RXFP1: variants seen among roughly 807,000 people sequenced by gnomAD.
RXFP1 encodes the protein relaxin receptor 1.
RXFP1 carries 73 observed loss-of-function variants against 89.8 expected under a neutral mutation model. That is an observed-to-expected ratio of 0.81 (90% CI 0.67 to 0.99). The LOEUF is 0.99. Among genes scored for constraint, RXFP1 ranks in the 50% least tolerant of loss-of-function variants. The pLI is 0.00. For missense variants in RXFP1, 793 were observed against 895.5 expected (o/e 0.89, Z 1.46); for synonymous variants, 277 against 305.5 (o/e 0.91, Z 0.97).
intron 1 of RXFP1, among the ~76,000 whole-genome samples, chr4:158,538,512 T>G (rs960749676): frequency 1.3e-5 from 2 of 152,094 alleles, no homozygotes. Flanking sequence ...GGCATTTTTT[T>G]TGTGGGGAGA....
At chr4:158,633,630 C>T (rs1056160995) in intron 12 of RXFP1, among the ~76,000 whole-genome samples, 154 bp downstream of exon 12, 2 of 152,110 alleles carry the variant, frequency 1.3e-5, no homozygotes, top group Non-Finnish European at 2.9e-5. Flanking sequence ...CACCATCTAC[C>T]TCCAGAAGTT....
intron 10 of RXFP1, among the ~76,000 whole-genome samples, chr4:158,627,692 T>C (rs560000031): frequency 1.4e-4 from 22 of 151,964 alleles, no homozygotes; most frequent in Non-Finnish European, 2.6e-4. Flanking sequence ...TTTCTCCAAT[T>C]CCCCCCATTC....
intron 10 of RXFP1, among the ~76,000 whole-genome samples, chr4:158,627,158 C>A (rs1767018651): frequency 6.6e-6 from 1 of 151,990 alleles, no homozygotes; most frequent in Non-Finnish European, 1.5e-5. Context: ...TGTTCACAAC[C>A]TTGAGGATGT....
chr4:158,543,228 T>G (rs1451183511), intron 1 of RXFP1, among the ~76,000 whole-genome samples: 1 of 152,156 alleles, frequency 6.6e-6, no homozygotes, highest in Non-Finnish European at 1.5e-5. Flanking sequence ...TGTTCCTCCA[T>G]TCTTCAGGCA....
At chr4:158,562,797 C>A (rs1752773824) in intron 1 of RXFP1, among the ~76,000 whole-genome samples, 1 of 152,064 alleles carries the variant, frequency 6.6e-6, no homozygotes, top group Non-Finnish European at 1.5e-5. Flanking sequence ...AACACTTTTT[C>A]TTTGCCCTTA....
chr4:158,628,091 G>A (rs1376778850), intron 10 of RXFP1, among the ~76,000 whole-genome samples: 1 of 152,178 alleles, frequency 6.6e-6, no homozygotes, highest in Admixed American at 6.5e-5. Context: ...TTAGTTCTGA[G>A]TTGGTCCTCT....
At chr4:158,522,566 GA>G (rs1483260511) in intron 1 of RXFP1, among the ~76,000 whole-genome samples, 2 of 152,142 alleles carry the variant, frequency 1.3e-5, no homozygotes, top group African/African-American at 4.8e-5. Flanking sequence ...AGGCACAAAA[GA>G]AGCTCCAAAT....
chr4:158,616,553 ATT>A (rs150214475), intron 8 of RXFP1, among the ~76,000 whole-genome samples: 39,564 of 133,206 alleles, frequency 0.3, 9,750 homozygotes, highest in African/African-American at 0.69. Flanking sequence ...GGTTTAGGCT[ATT>A]TTTTTTTTTT....
chr4:158,524,507 G>A (rs1448555754), intron 1 of RXFP1, among the ~76,000 whole-genome samples: 1 of 152,070 alleles, frequency 6.6e-6, no homozygotes, highest in Non-Finnish European at 1.5e-5. Context: ...CAAAAATTGA[G>A]GTCCACACAA....
intron 12 of RXFP1, among the ~76,000 whole-genome samples, chr4:158,635,642 G>C (rs573686709): frequency 2.6e-5 from 4 of 152,038 alleles, no homozygotes; most frequent in Non-Finnish European, 5.9e-5. Flanking sequence ...TTGAGTGTGG[G>C]TTTTCATATA....
At chr4:158,618,271 T>C (rs1396586916) in intron 9 of RXFP1, among the ~76,000 whole-genome samples, 2 of 152,096 alleles carry the variant, frequency 1.3e-5, no homozygotes, top group African/African-American at 4.8e-5. Context: ...AATTGAACAA[T>C]ATTTACATAA....
At chr4:158,609,886 A>G (rs1389528972) in intron 6 of RXFP1, among the ~76,000 whole-genome samples, 2 of 152,204 alleles carry the variant, frequency 1.3e-5, no homozygotes, top group Non-Finnish European at 2.9e-5. Flanking sequence ...GAAGCTCTTG[A>G]AAGGCAGTAC....
intron 1 of RXFP1, among the ~76,000 whole-genome samples, chr4:158,558,958 T>G (rs1253387006): frequency 6.6e-6 from 1 of 152,192 alleles, no homozygotes; most frequent in African/African-American, 2.4e-5. Context: ...TCAACAGATT[T>G]TGAAATCTCA....
At chr4:158,646,723 T>C in intron 15 of RXFP1, 68 bp from the exon 16 acceptor site, 1 of 1,487,538 alleles carries the variant, frequency 6.7e-7, no homozygotes, top group Non-Finnish European at 9.0e-7. Flanking sequence ...TTAAAAATAT[T>C]ATTGCTTATT....
chr4:158,528,522 G>T (rs1194680303), intron 1 of RXFP1, among the ~76,000 whole-genome samples: 1 of 151,818 alleles, frequency 6.6e-6, no homozygotes, highest in Non-Finnish European at 1.5e-5. Flanking sequence ...GAAAAAAAAA[G>T]CTCAGAGTAA....
chr4:158,589,398 G>A (rs1579864058), intron 2 of RXFP1, among the ~76,000 whole-genome samples: 1 of 152,108 alleles, frequency 6.6e-6, no homozygotes, highest in Non-Finnish European at 1.5e-5. Flanking sequence ...CAAATTCCTT[G>A]GGTTTCTGCT....
At chr4:158,609,939 A>T (rs73860544) in intron 6 of RXFP1, among the ~76,000 whole-genome samples, 1 of 152,324 alleles carries the variant, frequency 6.6e-6, no homozygotes, top group East Asian at 1.9e-4. Flanking sequence ...CTCTCTTTTC[A>T]TAGCTTTTCT....
chr4:158,635,536 A>G (rs1451442101), intron 12 of RXFP1, among the ~76,000 whole-genome samples: 1 of 151,832 alleles, frequency 6.6e-6, no homozygotes, highest in African/African-American at 2.4e-5. Context: ...GAATTGTTCT[A>G]ATTAGGACTT....
chr4:158,634,700 CTT>C (rs1285033417), intron 12 of RXFP1, among the ~76,000 whole-genome samples: 2 of 152,068 alleles, frequency 1.3e-5, no homozygotes, highest in Non-Finnish European at 2.9e-5. Context: ...TTTGAGTTAA[CTT>C]ATGTACATGG....
Sources: allele counts gnomAD v4.1 joint callset (sites outside exome capture counted in the v4.1 genomes callset), GRCh38; gene constraint gnomAD v4.1.1; transcripts MANE v1.5; gene names NCBI Gene and HGNC (gene_info 2026-07-23, HGNC 2026-07-21).